Variants in ODAD4 observed in about 807,000 individuals in gnomAD.
ODAD4 encodes the protein outer dynein arm-docking complex subunit 4.
In ODAD4, 49 loss-of-function variants were observed where a neutral mutation model predicts 51.8. The ratio of observed to expected loss-of-function variants is 0.95; its 90% confidence interval spans 0.75 to 1.20. ODAD4 has a LOEUF of 1.20. Ranked by LOEUF, ODAD4 falls within the 50% of genes most tolerant of loss-of-function variation. The pLI is 0.00. For missense variants in ODAD4, 590 were observed against 586.5 expected (o/e 1.01, Z -0.06); for synonymous variants, 235 against 221.3 (o/e 1.06, Z -0.55).
intron 1 of ODAD4, among the ~76,000 whole-genome samples, chr17:41,933,321 G>C (rs1359798266): frequency 1.3e-5 from 2 of 149,574 alleles, no homozygotes; most frequent in Non-Finnish European, 3.0e-5. Flanking sequence ...TTGCACTCTA[G>C]CCTGGGCAAC....
chr17:41,933,296 G>A (rs2050375510), intron 1 of ODAD4, among the ~76,000 whole-genome samples: 1 of 150,700 alleles, frequency 6.6e-6, no homozygotes, highest in Non-Finnish European at 1.5e-5. Flanking sequence ...GTTGCAGTGA[G>A]CCAAGATCAT....
chr17:41,953,504 A>AAGGTCTC (rs2050686526), intron 9 of ODAD4, among the ~76,000 whole-genome samples: 1 of 152,074 alleles, frequency 6.6e-6, no homozygotes, highest in Non-Finnish European at 1.5e-5. Context: ...GCTGGTAAGC[A>AAGGTCTC]CTTTCTCCTT....
chr17:41,955,450 C>CA, intron 10 of ODAD4, 133 bp downstream of exon 10: 1 of 601,944 alleles, frequency 1.7e-6, no homozygotes, highest in Non-Finnish European at 3.0e-6. Context: ...TGTTTTGAGA[C>CA]AGAGTCTTGC....
At position 41,935,483 on chromosome 17, in the gene ODAD4, G is replaced by A. The variant is rs1598070238; in HGVS notation, c.247-116G>A. The A allele has an allele frequency of 4.6e-6, 7 of 1,507,856 alleles. No individual in the cohort carries two copies. The South Asian group carries it at 7.8e-5, about 17-fold the overall frequency. The allele number at this position is 1,507,856 out of a possible 1,614,324, so 93.4% of individuals were successfully genotyped here. On this transcript the variant is annotated intron_variant, in intron 2 of 11. Coordinates refer to ENST00000377540, the MANE Select transcript of ODAD4 (RefSeq NM_031421.5). ...TTTCTCTTCCTAGGTCATTGCCTAA[G>A]TCCCTGCCCCCTGTATTCCAACCTT...
At chr17:41,944,751 T>C (rs551668688) in intron 7 of ODAD4, among the ~76,000 whole-genome samples, 2 of 151,984 alleles carry the variant, frequency 1.3e-5, no homozygotes, top group Non-Finnish European at 2.9e-5. Flanking sequence ...ATCATGGCAC[T>C]GCCCTCCAGC....
chr17:41,962,714 C>A (rs778188196), intron 11 of ODAD4, among the ~76,000 whole-genome samples: 1 of 152,174 alleles, frequency 6.6e-6, no homozygotes, highest in Non-Finnish European at 1.5e-5. Context: ...CGCGTCGGCC[C>A]GTGCCACACT....
At chr17:41,941,929 T>C (rs1274112180) in intron 7 of ODAD4, among the ~76,000 whole-genome samples, 1 of 152,144 alleles carries the variant, frequency 6.6e-6, no homozygotes, top group African/African-American at 2.4e-5. Flanking sequence ...GGGCATGTAA[T>C]GAATGTGTGC....
chr17:41,953,619 G>A (rs1039670049), intron 9 of ODAD4, among the ~76,000 whole-genome samples: 1 of 151,702 alleles, frequency 6.6e-6, no homozygotes, highest in Non-Finnish European at 1.5e-5. Flanking sequence ...ACCAGGCTGG[G>A]CAACATGGTG....
intron 7 of ODAD4, among the ~76,000 whole-genome samples, chr17:41,941,111 T>C (rs2050499365): frequency 6.6e-6 from 1 of 152,210 alleles, no homozygotes; most frequent in African/African-American, 2.4e-5. Flanking sequence ...GCAATGGCCA[T>C]GTCTTGTCCT....
Position 41,955,560 on chromosome 17 carries a change from A to G in ODAD4, c.1443+243A>G, listed in dbSNP as rs569127484. Among the ~76,000 whole-genome samples the G allele has an allele frequency of 1.4e-4, 21 of 151,984 alleles. No homozygotes were observed. The East Asian group carries it at 2.7e-3, about 20-fold the overall frequency. ...TCCTGCCTCAGCCTCCCAAGTAGCT[A>G]GGACTACAGGCGCCCCCCACCACGT... On this transcript the variant is annotated intron_variant, in intron 10 of 11. Coordinates refer to ENST00000377540, the MANE Select transcript of ODAD4 (RefSeq NM_031421.5).
chr17:41,944,444 A>ACACACACACACACACACACCC (rs1191101800), intron 7 of ODAD4, among the ~76,000 whole-genome samples: 4 of 19,548 alleles, frequency 2.0e-4, no homozygotes, highest in Non-Finnish European at 3.6e-4. Context: ...ACACACACAC[A>ACACACACACACACACACACCC]CCCCCCCGCA....
At chr17:41,945,793 C>T (rs572698485) in intron 8 of ODAD4, among the ~76,000 whole-genome samples, 154 of 151,664 alleles carry the variant, frequency 1.0e-3, no homozygotes, top group African/African-American at 3.4e-3. Context: ...CCCAGCTGCT[C>T]GGGAGGCTGA....
At chr17:41,959,426 A>C (rs1259562472) in intron 10 of ODAD4, among the ~76,000 whole-genome samples, 1 of 152,212 alleles carries the variant, frequency 6.6e-6, no homozygotes, top group African/African-American at 2.4e-5. Context: ...GCCAGATTGC[A>C]TAACTTGTGG....
At chr17:41,952,684 C>T (rs1555640367) in intron 9 of ODAD4, 4 of 516,122 alleles carry the variant, frequency 7.8e-6, no homozygotes, top group Non-Finnish European at 1.6e-5. Flanking sequence ...ACTGCGACTC[C>T]ACATATTTTC....
intron 7 of ODAD4, among the ~76,000 whole-genome samples, chr17:41,944,360 T>A (rs2050547587): frequency 6.7e-6 from 1 of 149,172 alleles, no homozygotes; most frequent in South Asian, 2.1e-4. Context: ...CGAGACTCTG[T>A]CTCAAAAAAC....
Position 41,961,404 on chromosome 17 carries a change from G to A in ODAD4, c.1466G>A (p.Gly489Asp), listed in dbSNP as rs1364791187. The change falls in exon 11 of 12, where the codon GGT becomes GAT. Residue 489 changes from glycine to aspartate, a missense_variant. By Grantham distance (94) the Gly-to-Asp change is moderately conservative (BLOSUM62 -1). Transcript: ENST00000377540. ...IISALDDANKGIIRELRKTNY... is the reference protein window; with the variant it reads ...IISALDDANKDIIRELRKTNY... ...CAGGCCTTGGACGATGCCAACAAGG[G>A]TATCATCAGAGAACTGAGGAAAACC... 1 of 747,150 alleles carries A rather than the reference G, an allele frequency of 1.3e-6. No individual in the cohort carries two copies. Among genetic ancestry groups the A allele is most frequent in the Non-Finnish European group, 2.5e-6 (1 of 401,414 alleles). 46.3% of individuals were successfully genotyped at this position (747,150 alleles called of 1,614,324 possible).
chr17:41,938,542 A>G lies in ODAD4; in HGVS notation c.626-15A>G. 1.9e-6 allele frequency: 3 copies of G among 1,610,990 alleles called. No individual in the cohort carries two copies. The highest frequency in any genetic ancestry group is 2.5e-6 in the Non-Finnish European group (3 of 1,178,074). On this transcript the variant is annotated splice_polypyrimidine_tract_variant and intron_variant, in intron 5 of 11. Transcript: ENST00000377540. ...CCTGTTCTCCTTGGCGCCTCCTCAC[A>G]CCCCTTCCCCACAGACCTGATCAAA...
In ODAD4 at chr17:41,955,319, T is replaced by G. The variant is rs1555640850; in HGVS notation, c.1443+2T>G. 2 of 776,020 alleles carry G rather than the reference T, an allele frequency of 2.6e-6. No homozygotes were observed. Among genetic ancestry groups the G allele is most frequent in the South Asian group, 2.7e-5 (2 of 73,644 alleles). 48.1% of individuals were successfully genotyped at this position (776,020 alleles called of 1,614,324 possible). A position where few individuals can be genotyped will look rare whatever the true frequency, so the allele number is the denominator to read the frequency against. On this transcript the variant is annotated splice_donor_variant, in intron 10 of 11. Transcript: ENST00000377540. LOFTEE classifies it high-confidence loss of function. The stretch of plus-strand genomic sequence containing the variant: ...GAGGCGCAGCAGGCCATCATCAGTG[T>G]GAGCCTTTCCACCCGCCGGGCTTCG...
Position 41,931,724 on chromosome 17 carries a change from T to C in ODAD4, c.114+887T>C, listed in dbSNP as rs377230837. 7.9e-5 allele frequency among the ~76,000 whole-genome samples: 12 copies of C among 151,996 alleles called. No homozygotes were observed. In the East Asian group the frequency reaches 1.6e-3, roughly 20 times the overall value. On this transcript the variant is annotated intron_variant, in intron 1 of 11. Coordinates refer to ENST00000377540, the MANE Select transcript of ODAD4 (RefSeq NM_031421.5). ...GCCTGGCTAATTTTTGTATTCTTAG[T>C]AGAGACAGGGTTTCACCATGTTGGC...
Sources: gnomAD v4.1 joint callset for allele counts (sites outside exome capture counted in the v4.1 genomes callset) on GRCh38, gnomAD v4.1.1 for gene constraint, MANE v1.5 for transcripts, NCBI Gene and HGNC (gene_info 2026-07-23, HGNC 2026-07-21) for gene names.